Variants in GRAMD1C observed in about 807,000 individuals in gnomAD.
The protein encoded by GRAMD1C is GRAM domain containing 1C, also known as protein Aster-C.
A neutral mutation model predicts 97.8 loss-of-function variants in GRAMD1C; 89 were observed. The ratio of observed to expected loss-of-function variants is 0.91; its 90% confidence interval spans 0.77 to 1.09. The LOEUF is 1.09. Among genes scored for constraint, GRAMD1C ranks in the 50% least tolerant of loss-of-function variants. The pLI is 0.00. For synonymous variants in GRAMD1C, 256 were observed against 267.0 expected (o/e 0.96, Z 0.40); for missense variants, 740 against 766.4 (o/e 0.97, Z 0.41).
intron 8 of GRAMD1C, among the ~76,000 whole-genome samples, chr3:113,905,709 T>C (rs1936345626): frequency 6.6e-6 from 1 of 152,142 alleles, no homozygotes; most frequent in East Asian, 1.9e-4. Context: ...TTTTTTTTTT[T>C]TTTGATACAG....
At position 113,853,346 on chromosome 3, in the gene GRAMD1C, T is replaced by A. The variant is rs181967532; in HGVS notation, c.174+8697T>A. Among the ~76,000 whole-genome samples, 8 of 152,310 alleles carry A rather than the reference T, an allele frequency of 5.3e-5. No homozygotes were observed. In the East Asian group the frequency reaches 1.5e-3, roughly 29 times the overall value. On this transcript the variant is annotated intron_variant, in intron 2 of 17. Transcript: ENST00000358160. ...AGAGAAAGTATGAAAGAGAGCAGTT[T>A]AAGATGTAAAGGAAATAGTAGAGAA...
intron 10 of GRAMD1C, among the ~76,000 whole-genome samples, chr3:113,930,484 A>T (rs963840925): frequency 5.3e-5 from 8 of 152,164 alleles, no homozygotes; most frequent in African/African-American, 1.9e-4. Context: ...GATATTAATA[A>T]ACAATTTAGA....
At chr3:113,844,476 T>C (rs747144071) in intron 1 of GRAMD1C, 27 bp from the exon 2 acceptor site, 1 of 1,527,470 alleles carries the variant, frequency 6.5e-7, no homozygotes, top group East Asian at 2.3e-5. Context: ...CAATAAATAA[T>C]TGACTTAGTT....
chr3:113,945,477 A>AGT lies in GRAMD1C; in HGVS notation c.*1_*2dup, dbSNP rs773638949. ...AAGACTGGCATGGCTGTTGAAAGCT[A>AGT]GTGATCTGAAGGACTAAAACCGCAG... ...KNKTGMAVES[*] The change falls in exon 18 of 18, where the codon TAG becomes TAGTG. Residue 663 remains the stop codon, a frameshift_variant and stop_retained_variant. Coordinates refer to ENST00000358160, the MANE Select transcript of GRAMD1C (RefSeq NM_017577.5). LOFTEE classifies it high-confidence loss of function. The AGT allele has an allele frequency of 1.3e-6, 2 of 1,540,432 alleles. No individual in the cohort carries two copies. Among genetic ancestry groups the AGT allele is most frequent in the Non-Finnish European group, 1.8e-6 (2 of 1,115,628 alleles).
intron 1 of GRAMD1C, among the ~76,000 whole-genome samples, chr3:113,842,005 C>G (rs1259369342): frequency 6.6e-6 from 1 of 152,094 alleles, no homozygotes; most frequent in African/African-American, 2.4e-5. Context: ...GCCTGTTGTC[C>G]CACTTCTTTG....
intron 14 of GRAMD1C, 105 bp downstream of exon 14, chr3:113,936,547 C>A: frequency 1.5e-6 from 1 of 667,662 alleles, no homozygotes; most frequent in Non-Finnish European, 2.6e-6. Flanking sequence ...TCCTTTTCTT[C>A]CCTCCTTTTT....
At chr3:113,921,353 A>AT (rs1424508289) in intron 10 of GRAMD1C, among the ~76,000 whole-genome samples, 2 of 152,180 alleles carry the variant, frequency 1.3e-5, no homozygotes, top group Admixed American at 1.3e-4. Context: ...ACTATCGTGA[A>AT]TAGTGCTGTG....
chr3:113,943,876 T>C (rs1396388079), intron 17 of GRAMD1C, among the ~76,000 whole-genome samples: 1 of 152,170 alleles, frequency 6.6e-6, no homozygotes, highest in Non-Finnish European at 1.5e-5. Flanking sequence ...ATCATGCTAC[T>C]GCACTCCAGC....
intron 2 of GRAMD1C, among the ~76,000 whole-genome samples, chr3:113,866,882 G>A (rs777819629): frequency 1.8e-4 from 27 of 151,516 alleles, no homozygotes; most frequent in Non-Finnish European, 3.5e-4. Context: ...AGGCTGGAGT[G>A]CAGTGGCACG....
In GRAMD1C at chr3:113,875,563, C is replaced by A; in HGVS notation, c.339C>A (p.Ser113Arg). The A allele has an allele frequency of 6.8e-7, 1 of 1,477,392 alleles. No individual in the cohort carries two copies. The highest frequency in any genetic ancestry group is 9.5e-7 in the Non-Finnish European group (1 of 1,054,410). The allele number at this position is 1,477,392 out of a possible 1,614,324, so 91.5% of individuals were successfully genotyped here. A position where few individuals can be genotyped will look rare whatever the true frequency, so the allele number is the denominator to read the frequency against. Residue 113 changes from serine (S) to arginine (R), a missense_variant, in exon 4 of 18, where the codon AGC (serine) becomes AGA (arginine). Physicochemically the swap from Ser to Arg is moderately radical, Grantham distance 110. Transcript: ENST00000358160. ...CAGAAAACTGGCTATGTTTCTATAG[C>A]AACATCTTCAGATGGGAAACTACAG... ...YLSENWLCFYSNIFRWETTIS... is the reference protein window; with the variant it reads ...YLSENWLCFYRNIFRWETTIS...
At chr3:113,937,874 G>A (rs554441611) in intron 14 of GRAMD1C, among the ~76,000 whole-genome samples, 78 of 152,142 alleles carry the variant, frequency 5.1e-4, no homozygotes, top group South Asian at 1.5e-3. Flanking sequence ...GCATGGTGGC[G>A]CATGCCTGTA....
chr3:113,846,615 A>G (rs543553005), intron 2 of GRAMD1C, among the ~76,000 whole-genome samples: 7 of 152,308 alleles, frequency 4.6e-5, no homozygotes, highest in Admixed American at 2.6e-4. Flanking sequence ...GATCCTTGCT[A>G]CTAAAGGTGT....
At chr3:113,861,289 T>C (rs1934365133) in intron 2 of GRAMD1C, among the ~76,000 whole-genome samples, 1 of 152,182 alleles carries the variant, frequency 6.6e-6, no homozygotes, top group South Asian at 2.1e-4. Context: ...GGCAATAGTT[T>C]CTTAGATATG....
intron 5 of GRAMD1C, among the ~76,000 whole-genome samples, chr3:113,878,437 A>G (rs77187612): frequency 0.016 from 2,430 of 152,242 alleles, 35 homozygotes; most frequent in Non-Finnish European, 0.026. Flanking sequence ...GTTCATTGCT[A>G]TGGAGTTGGG....
intron 11 of GRAMD1C, 35 bp from the exon 12 acceptor site, chr3:113,933,476 T>C: frequency 6.7e-7 from 1 of 1,499,030 alleles, no homozygotes; most frequent in East Asian, 2.3e-5. Flanking sequence ...ATATTAAGCA[T>C]ATACATACAA....
At chr3:113,838,506 G>T (rs563538427), upstream of GRAMD1C, 178 of 172,472 alleles carry the variant, frequency 1.0e-3, 2 homozygotes, top group African/African-American at 4.0e-3. Flanking sequence ...GGGAGGCGGA[G>T]GTTGCAGTTA....
At chr3:113,897,184 C>T (rs918626786) in intron 6 of GRAMD1C, among the ~76,000 whole-genome samples, 15 of 151,986 alleles carry the variant, frequency 9.9e-5, no homozygotes, top group African/African-American at 2.2e-4. Context: ...AGGAATACTA[C>T]GTCAGTACTA....
Position 113,875,480 on chromosome 3 carries a change from A to G in GRAMD1C, c.260-4A>G, listed in dbSNP as rs1559789164. 2 of 1,246,528 alleles carry G rather than the reference A, an allele frequency of 1.6e-6. No individual in the cohort carries two copies. The highest frequency in any genetic ancestry group is 1.2e-6 in the Non-Finnish European group (1 of 843,414). 77.2% of individuals were successfully genotyped at this position (1,246,528 alleles called of 1,614,324 possible). On this transcript the variant is annotated splice_polypyrimidine_tract_variant and splice_region_variant and intron_variant, in intron 3 of 17. Transcript: ENST00000358160. ...TAAGCTGTATCTTATTTTTGTGTAT[A>G]TAGATTATGCTTGTGCTCTTCAGAG...
At chr3:113,924,084 C>T (rs1036150934) in intron 10 of GRAMD1C, among the ~76,000 whole-genome samples, 2 of 130,800 alleles carry the variant, frequency 1.5e-5, no homozygotes, top group East Asian at 2.2e-4. Flanking sequence ...TCATAATAGT[C>T]TCTGGGGTTT....
Sources: gnomAD v4.1 joint callset for allele counts (sites outside exome capture counted in the v4.1 genomes callset) on GRCh38, gnomAD v4.1.1 for gene constraint, MANE v1.5 for transcripts, NCBI Gene and HGNC (gene_info 2026-07-23, HGNC 2026-07-21) for gene names.